Variants in ZMYM2 observed in about 807,000 individuals in gnomAD.
ZMYM2 encodes zinc finger MYM-type protein 2.
Under a neutral mutation model 162.8 loss-of-function variants are expected in ZMYM2, and 56 were observed. The ratio of observed to expected loss-of-function variants is 0.34; its 90% CI spans 0.28 to 0.43. The LOEUF (loss-of-function observed/expected upper bound fraction) is 0.43, where lower values mean the gene tolerates loss of function less well. Ranked by LOEUF, ZMYM2 falls within the 20% of genes least tolerant of loss-of-function variation. The pLI, the probability that ZMYM2 is intolerant of heterozygous loss-of-function variation, is 1.00. For synonymous variants in ZMYM2, 510 were observed against 541.6 expected (o/e 0.94, Z 0.81); for missense variants, 1,275 against 1,621.8 (o/e 0.79, Z 3.67).
At chr13:19,905,465 A>G in the ZMYM2 span, among the ~76,000 whole-genome samples, 4 of 152,144 alleles carry the variant, frequency 2.6e-5, no homozygotes, top group Non-Finnish European at 5.9e-5. Context: ...CAACCAATCC[A>G]GAGCCCACAC....
intron 2 of ZMYM2, among the ~76,000 whole-genome samples, chr13:19,981,312 A>C (rs1594152780): frequency 3.5e-5 from 5 of 144,258 alleles, no homozygotes; most frequent in East Asian, 2.0e-4. Flanking sequence ...CAAAAAAAAA[A>C]ACAAAAAACA....
rs1191412344 is a variant in ZMYM2, at chr13:20,088,369, T to C, written c.*2355T>C. ...AATGATAGCAATTTCCTTTTGCTTCTAGGTGATCTCTGATTATAGATAGCA... is the reference window on the plus strand; with the variant it reads ...AATGATAGCAATTTCCTTTTGCTTCCAGGTGATCTCTGATTATAGATAGCA... On this transcript the variant is annotated 3_prime_UTR_variant, in exon 25 of 25. Coordinates refer to ENST00000610343, the MANE Select transcript of ZMYM2 (RefSeq NM_197968.4). 4 of 204,456 alleles carry C rather than the reference T, an allele frequency of 2.0e-5. No homozygotes were observed. The highest frequency in any genetic ancestry group is 4.0e-5 in the Non-Finnish European group (4 of 99,760). 12.7% of individuals were successfully genotyped at this position (204,456 alleles called of 1,614,324 possible). A position where few individuals can be genotyped will look rare whatever the true frequency, so the allele number is the denominator to read the frequency against.
intron 18 of ZMYM2, 138 bp from the exon 19 acceptor site, chr13:20,064,313 T>A (rs910605671): frequency 5.9e-6 from 3 of 508,534 alleles, no homozygotes; most frequent in Non-Finnish European, 9.8e-6. Context: ...GTACAATGAG[T>A]CATTTACTCC....
the ZMYM2 span, among the ~76,000 whole-genome samples, chr13:19,906,700 C>T: frequency 6.6e-6 from 1 of 151,774 alleles, no homozygotes; most frequent in South Asian, 2.1e-4. Flanking sequence ...TTCAGCCTTC[C>T]AAGGCTGAAC....
chr13:19,925,982 A>G, the ZMYM2 span, among the ~76,000 whole-genome samples: 2 of 149,414 alleles, frequency 1.3e-5, no homozygotes, highest in Admixed American at 6.7e-5. Context: ...TTTTTTTGAG[A>G]CGGAGTCTTG....
the ZMYM2 span, among the ~76,000 whole-genome samples, chr13:19,943,009 T>A: frequency 6.6e-6 from 1 of 152,160 alleles, no homozygotes; most frequent in Admixed American, 6.6e-5. Flanking sequence ...AGATTTATTC[T>A]TTTACTGCTC....
At chr13:20,084,549 GTGTA>G (rs1452150549) in intron 24 of ZMYM2, among the ~76,000 whole-genome samples, 2 of 152,180 alleles carry the variant, frequency 1.3e-5, no homozygotes, top group Admixed American at 1.3e-4. Flanking sequence ...CCAATGCCCG[GTGTA>G]AAGGTATGCT....
At chr13:19,989,326 CAG>C (rs1949423315) in intron 2 of ZMYM2, among the ~76,000 whole-genome samples, 2 of 152,076 alleles carry the variant, frequency 1.3e-5, no homozygotes, top group South Asian at 2.1e-4. Flanking sequence ...CTTTTTGAGA[CAG>C]AGTCTCACCC....
chr13:19,959,547 G>A (rs1247404539), intron 1 of ZMYM2, among the ~76,000 whole-genome samples: 2 of 152,188 alleles, frequency 1.3e-5, no homozygotes, highest in East Asian at 3.9e-4. Context: ...AAATGTGGGC[G>A]ATATCGGCCC....
the ZMYM2 span, among the ~76,000 whole-genome samples, chr13:19,883,395 T>C: frequency 6.6e-6 from 1 of 152,234 alleles, no homozygotes; most frequent in Non-Finnish European, 1.5e-5. Flanking sequence ...TCTAATTTTA[T>C]GTGAATTTCA....
At chr13:19,981,316 AAAAAC>A (rs997297230) in intron 2 of ZMYM2, among the ~76,000 whole-genome samples, 3 of 106,932 alleles carry the variant, frequency 2.8e-5, no homozygotes, top group African/African-American at 6.1e-5. Context: ...AAAAAAAACA[AAAAAC>A]AAACCCCAAA....
chr13:20,087,854 C>G lies in ZMYM2; in HGVS notation c.*1840C>G. The G allele has an allele frequency of 5.3e-6, 1 of 187,132 alleles. No homozygotes were observed. Among genetic ancestry groups the G allele is most frequent in the Non-Finnish European group, 1.1e-5 (1 of 88,606 alleles). 11.6% of individuals were successfully genotyped at this position (187,132 alleles called of 1,614,324 possible). A position where few individuals can be genotyped will look rare whatever the true frequency, so the allele number is the denominator to read the frequency against. On this transcript the variant is annotated 3_prime_UTR_variant, in exon 25 of 25. Coordinates refer to ENST00000610343, the MANE Select transcript of ZMYM2 (RefSeq NM_197968.4). ...TTAAAATATATAATACAAAAATTTTCTCTAACTTACCTTTTTCCAGAACTA... is the reference window on the plus strand; with the variant it reads ...TTAAAATATATAATACAAAAATTTTGTCTAACTTACCTTTTTCCAGAACTA...
chr13:19,898,680 C>T, the ZMYM2 span, among the ~76,000 whole-genome samples: 1 of 152,036 alleles, frequency 6.6e-6, no homozygotes, highest in Non-Finnish European at 1.5e-5. Flanking sequence ...AATCCCAGGA[C>T]TTTGGGAGGC....
At chr13:20,062,706 T>C in intron 17 of ZMYM2, 140 bp from the exon 18 acceptor site, 1 of 812,910 alleles carries the variant, frequency 1.2e-6, no homozygotes, top group South Asian at 2.4e-5. Flanking sequence ...ATATATATAA[T>C]ATGCCCTTTT....
At chr13:20,010,339 G>A (rs1386988109) in intron 6 of ZMYM2, among the ~76,000 whole-genome samples, 4 of 152,026 alleles carry the variant, frequency 2.6e-5, no homozygotes, top group African/African-American at 7.2e-5. Context: ...GGGACCACAG[G>A]CACGGGCCAC....
At position 20,001,242 on chromosome 13, in the gene ZMYM2, A is replaced by T. The variant is rs1236754361; in HGVS notation, c.848-1608A>T. 2.6e-5 allele frequency among the ~76,000 whole-genome samples: 4 copies of T among 152,010 alleles called. No homozygotes were observed. In the South Asian group the frequency reaches 8.3e-4, roughly 32 times the overall value. On this transcript the variant is annotated intron_variant, in intron 3 of 24. Coordinates refer to ENST00000610343, the MANE Select transcript of ZMYM2 (RefSeq NM_197968.4). ...CCCTGTCTTTACTAAAAATATAAAA[A>T]TCAGCTAGGTGTGGTGGCACACACC...
chr13:20,064,903 T>C (rs1333695539), intron 19 of ZMYM2, among the ~76,000 whole-genome samples: 1 of 152,060 alleles, frequency 6.6e-6, no homozygotes, highest in Non-Finnish European at 1.5e-5. Flanking sequence ...AAACAGTTGC[T>C]AAAGTAGTAA....
At chr13:20,058,948 C>G (rs1391862150) in intron 15 of ZMYM2, 1 of 593,170 alleles carries the variant, frequency 1.7e-6, no homozygotes, top group Non-Finnish European at 3.0e-6. Flanking sequence ...AAAATACTAT[C>G]TCGAAAATTT....
At chr13:19,976,032 T>G (rs924546055) in intron 2 of ZMYM2, among the ~76,000 whole-genome samples, 2 of 152,034 alleles carry the variant, frequency 1.3e-5, no homozygotes, top group Non-Finnish European at 2.9e-5. Context: ...ACCTCCTTTT[T>G]TAGAAAAACA....
Sources: allele counts gnomAD v4.1 joint callset (sites outside exome capture counted in the v4.1 genomes callset), GRCh38; gene constraint gnomAD v4.1.1; transcripts MANE v1.5; gene names NCBI Gene and HGNC (gene_info 2026-07-23, HGNC 2026-07-21).